Variants in FBXO34 observed in about 807,000 individuals in gnomAD.
FBXO34 encodes the protein F-box only protein 34.
Under a neutral mutation model 24.5 loss-of-function variants are expected in FBXO34, and 12 were observed. That is an observed-to-expected ratio of 0.49 (90% CI 0.31 to 0.79). The LOEUF (loss-of-function observed/expected upper bound fraction) is 0.79. Among genes scored for constraint, FBXO34 ranks in the 30% least tolerant of loss-of-function variants. The pLI is 0.04. For synonymous variants in FBXO34, 320 were observed against 311.9 expected (o/e 1.03, Z -0.27); for missense variants, 823 against 857.7 (o/e 0.96, Z 0.51).
At chr14:55,440,582 G>T in the FBXO34 span, 1 of 1,550,718 alleles carries the variant, frequency 6.4e-7, no homozygotes. Flanking sequence ...GGCGGCCCTC[G>T]GCCCAGGTTC....
At chr14:55,318,327 G>A (rs1883002052) in intron 1 of FBXO34, 1 of 75,898 alleles carries the variant, frequency 1.3e-5, no homozygotes, top group African/African-American at 6.1e-5. Flanking sequence ...CTGTTGGTTT[G>A]CAAGTCATAT....
chr14:55,309,678 GTGTC>G (rs112492584), intron 1 of FBXO34, among the ~76,000 whole-genome samples: 1 of 152,264 alleles, frequency 6.6e-6, no homozygotes, highest in African/African-American at 2.4e-5. Context: ...GAGTTTTTGT[GTGTC>G]TGTTTTTTAT....
intron 1 of FBXO34, among the ~76,000 whole-genome samples, chr14:55,284,253 C>T (rs1881673920): frequency 6.6e-6 from 1 of 152,086 alleles, no homozygotes; most frequent in Non-Finnish European, 1.5e-5. Context: ...GTGGCTCACG[C>T]TTGCAGTCCC....
chr14:55,358,730 G>A (rs1481731547), intron 3 of FBXO34, among the ~76,000 whole-genome samples: 1 of 152,158 alleles, frequency 6.6e-6, no homozygotes, highest in East Asian at 1.9e-4. Context: ...AGTAGTGGGT[G>A]GGGTAGTAGT....
chr14:55,369,932 GCAGA>G, downstream of FBXO34: 1 of 1,589,144 alleles, frequency 6.3e-7, no homozygotes, highest in Non-Finnish European at 8.6e-7. Context: ...TGACCTGTGT[GCAGA>G]CAATGAGGGT....
rs1167397576 is a variant in FBXO34, at chr14:55,331,667, GTGTGTATATATATATATGT to G, written c.-10-18713_-10-18695del. On this transcript the variant is annotated intron_variant, in intron 1 of 1. Coordinates refer to ENST00000313833, the MANE Select transcript of FBXO34 (RefSeq NM_017943.4). The stretch of plus-strand genomic sequence containing the variant: ...AAAAATATATATATACCAACATGGT[GTGTGTATATATATATATGT>G]GTATATATATATATATATGTATATA... Among the ~76,000 whole-genome samples the G allele has an allele frequency of 3.4e-3, 183 of 53,962 alleles. 20 individuals carry two copies. The highest frequency in any genetic ancestry group is 0.013 in the African/African-American group (131 of 10,242). 35.4% of individuals were successfully genotyped at this position (53,962 alleles called of 152,430 possible).
chr14:55,427,199 G>A, the FBXO34 span, among the ~76,000 whole-genome samples: 3 of 152,248 alleles, frequency 2.0e-5, no homozygotes, highest in South Asian at 4.1e-4. Context: ...GAGGCAACAT[G>A]TCTTACATGG....
chr14:55,281,833 T>A (rs1386706396), intron 1 of FBXO34, among the ~76,000 whole-genome samples: 2 of 152,162 alleles, frequency 1.3e-5, no homozygotes, highest in Non-Finnish European at 2.9e-5. Flanking sequence ...CCCTAATAAA[T>A]TCTAAGCTTC....
chr14:55,416,547 A>G, the FBXO34 span, among the ~76,000 whole-genome samples: 1 of 152,208 alleles, frequency 6.6e-6, no homozygotes, highest in Non-Finnish European at 1.5e-5. Context: ...TGGGGAGGAG[A>G]GTGAGTTACT....
At chr14:55,385,822 G>C in the FBXO34 span, 3 of 1,503,408 alleles carry the variant, frequency 2.0e-6, no homozygotes, top group Non-Finnish European at 1.8e-6. Context: ...TTTGGAACTT[G>C]ATCTATTCCT....
the FBXO34 span, chr14:55,428,785 T>C: frequency 6.3e-7 from 1 of 1,599,332 alleles, no homozygotes. Context: ...AATTCAAAGT[T>C]CAAGCTATAT....
chr14:55,394,076 G>A, the FBXO34 span, among the ~76,000 whole-genome samples: 8 of 149,046 alleles, frequency 5.4e-5, no homozygotes, highest in South Asian at 2.1e-4. Context: ...GCGCAATCTC[G>A]GCTCACTGTG....
chr14:55,347,232 C>T (rs575587564), intron 1 of FBXO34, among the ~76,000 whole-genome samples: 1 of 152,222 alleles, frequency 6.6e-6, no homozygotes, highest in East Asian at 1.9e-4. Flanking sequence ...GGAGCTTTAC[C>T]CCACCCATGC....
the FBXO34 span, among the ~76,000 whole-genome samples, chr14:55,397,160 C>A: frequency 0.011 from 1,722 of 152,274 alleles, 15 homozygotes; most frequent in Middle Eastern, 0.027. Context: ...CTACTGTATA[C>A]CACACACCGG....
the FBXO34 span, among the ~76,000 whole-genome samples, chr14:55,404,419 C>T: frequency 1.3e-5 from 2 of 152,340 alleles, no homozygotes; most frequent in East Asian, 1.9e-4. Context: ...CTCTGCCATG[C>T]GCAAGTAAGC....
rs1884322408 is a variant in FBXO34, at chr14:55,350,621, T to C, written c.231T>C (p.Ser77=). The change falls in exon 2 of 2, where the codon AGT becomes AGC. Residue 77 remains serine, a synonymous_variant. Coordinates refer to ENST00000313833, the MANE Select transcript of FBXO34 (RefSeq NM_017943.4). ...PNVLCSMSGK[S]PVESSLNVKT... Reference sequence around the variant, plus strand: ...TTCTGTGCAGTATGAGTGGGAAGAGTCCTGTAGAGAGCAGCTTGAATGTTA... The same window carrying C: ...TTCTGTGCAGTATGAGTGGGAAGAGCCCTGTAGAGAGCAGCTTGAATGTTA... The C allele has an allele frequency of 6.2e-7, 1 of 1,612,614 alleles. No individual in the cohort carries two copies. The highest frequency in any genetic ancestry group is 1.3e-5 in the African/African-American group (1 of 74,622).
At chr14:55,356,181 G>A (rs77895518), downstream of FBXO34, among the ~76,000 whole-genome samples, 8,855 of 152,254 alleles carry the variant, frequency 0.058, 327 homozygotes, top group South Asian at 0.089. Flanking sequence ...GGACCAGCTT[G>A]GGGCACTGTT....
Position 55,353,084 on chromosome 14 carries a change from A to G in FBXO34, c.*558A>G, listed in dbSNP as rs1594769493. 5.9e-6 allele frequency: 1 copy of G among 169,980 alleles called. No individual in the cohort carries two copies. The highest frequency in any genetic ancestry group is 2.4e-5 in the African/African-American group (1 of 41,452). The allele number at this position is 169,980 out of a possible 1,614,324, so 10.5% of individuals were successfully genotyped here. ...GGATTTCATGCCCTGTGGTGTTTACAGTGTATATAATGGTTGTGTTTTCAT... is the reference window on the plus strand; with the variant it reads ...GGATTTCATGCCCTGTGGTGTTTACGGTGTATATAATGGTTGTGTTTTCAT... On this transcript the variant is annotated 3_prime_UTR_variant, in exon 2 of 2. Coordinates refer to ENST00000313833, the MANE Select transcript of FBXO34 (RefSeq NM_017943.4).
intron 1 of FBXO34, among the ~76,000 whole-genome samples, chr14:55,339,794 A>C (rs1594760894): frequency 6.6e-6 from 1 of 152,208 alleles, no homozygotes; most frequent in Admixed American, 6.5e-5. Flanking sequence ...TTTCTTTACA[A>C]GTAGTAATTC....
Sources: allele counts gnomAD v4.1 joint callset (sites outside exome capture counted in the v4.1 genomes callset), GRCh38; gene constraint gnomAD v4.1.1; transcripts MANE v1.5; gene names NCBI Gene and HGNC (gene_info 2026-07-23, HGNC 2026-07-21).